ITPR1: variants seen among roughly 807,000 people sequenced by gnomAD.
ITPR1 encodes inositol 1,4,5-trisphosphate-gated calcium channel ITPR1.
Under a neutral mutation model 318.4 loss-of-function variants are expected in ITPR1, and 96 were observed. That is an observed-to-expected ratio of 0.30 (90% CI 0.26 to 0.36). The LOEUF (loss-of-function observed/expected upper bound fraction) is 0.36. Among genes scored for constraint, ITPR1 ranks in the 10% least tolerant of loss-of-function variants. The pLI, the probability that ITPR1 is intolerant of heterozygous loss-of-function variation, is 1.00. For synonymous variants in ITPR1, 1,312 were observed against 1,289.9 expected (o/e 1.02, Z -0.37); for missense variants, 2,440 against 3,460.2 (o/e 0.71, Z 7.40).
chr3:4,518,733 C>G (rs781417256), intron 3 of ITPR1, among the ~76,000 whole-genome samples: 1 of 152,148 alleles, frequency 6.6e-6, no homozygotes, highest in South Asian at 2.1e-4. Context: ...TGTGTGCACA[C>G]TACTCAGTGG....
rs1405654600 is a variant in ITPR1 at position 4,727,266 on chromosome 3, G to T, written c.5220+93G>T. On this transcript the variant is annotated intron_variant, in intron 42 of 61. Transcript: ENST00000649015. ...ACACTGTGATTGAGAGACAGCTTTT[G>T]TTGTTGATATTGTTAAAGCATTAAT... is the stretch of plus-strand genomic sequence containing the variant. 1.5e-5 allele frequency: 13 copies of T among 888,954 alleles called. No individual in the cohort carries two copies. In the East Asian group the frequency reaches 3.3e-4, roughly 22 times the overall value. The allele number at this position is 888,954 out of a possible 1,614,324, so 55.1% of individuals were successfully genotyped here.
At chr3:4,755,685 G>C (rs1340314503) in intron 44 of ITPR1, among the ~76,000 whole-genome samples, 8 of 152,218 alleles carry the variant, frequency 5.3e-5, no homozygotes, top group South Asian at 2.1e-4. Flanking sequence ...AGATTAATAA[G>C]AGTGAAGGAA....
At chr3:4,747,504 G>A (rs1000722547) in intron 44 of ITPR1, among the ~76,000 whole-genome samples, 3 of 152,204 alleles carry the variant, frequency 2.0e-5, no homozygotes, top group African/African-American at 4.8e-5. Flanking sequence ...TGGAAGTTGT[G>A]CCTCCACATT....
At chr3:4,809,634 A>T (rs1329797960) in intron 55 of ITPR1, among the ~76,000 whole-genome samples, 1 of 152,148 alleles carries the variant, frequency 6.6e-6, no homozygotes, top group Non-Finnish European at 1.5e-5. Flanking sequence ...TCCATTGAAC[A>T]TGTATAATTT....
chr3:4,523,658 G>A (rs1194840347), intron 4 of ITPR1, among the ~76,000 whole-genome samples: 1 of 152,080 alleles, frequency 6.6e-6, no homozygotes, highest in Non-Finnish European at 1.5e-5. Context: ...CCACATATAA[G>A]CAAGATCATG....
intron 17 of ITPR1, among the ~76,000 whole-genome samples, chr3:4,667,140 A>G (rs2093967026): frequency 6.6e-6 from 1 of 152,194 alleles, no homozygotes; most frequent in African/African-American, 2.4e-5. Context: ...TCCACGTGTA[A>G]ATACAGGCTA....
chr3:4,525,458 G>A (rs1391397374), intron 4 of ITPR1, among the ~76,000 whole-genome samples: 2 of 152,024 alleles, frequency 1.3e-5, no homozygotes, highest in African/African-American at 2.4e-5. Flanking sequence ...TTTTTTGTGT[G>A]TGTGTGTGAT....
At chr3:4,611,995 C>T (rs958570754) in intron 4 of ITPR1, among the ~76,000 whole-genome samples, 8 of 151,908 alleles carry the variant, frequency 5.3e-5, no homozygotes, top group African/African-American at 1.7e-4. Context: ...AAACCACCTC[C>T]CCCAAATAGT....
At chr3:4,732,064 A>G (rs1230580116) in intron 42 of ITPR1, among the ~76,000 whole-genome samples, 1 of 152,150 alleles carries the variant, frequency 6.6e-6, no homozygotes, top group Admixed American at 6.5e-5. Flanking sequence ...GAAAATTTAT[A>G]CAGCCTTTGA....
intron 51 of ITPR1, among the ~76,000 whole-genome samples, chr3:4,784,183 G>T (rs1213863380): frequency 6.6e-6 from 1 of 152,156 alleles, no homozygotes; most frequent in Non-Finnish European, 1.5e-5. Context: ...TCATAAGAAA[G>T]TCCAGCAGAG....
At chr3:4,794,303 A>C (rs2047754277) in intron 52 of ITPR1, among the ~76,000 whole-genome samples, 1 of 152,184 alleles carries the variant, frequency 6.6e-6, no homozygotes. Flanking sequence ...CGGTGGATTA[A>C]GGTGGCAGCA....
At chr3:4,641,157 G>A (rs1013215402) in intron 6 of ITPR1, among the ~76,000 whole-genome samples, 1 of 152,150 alleles carries the variant, frequency 6.6e-6, no homozygotes, top group Non-Finnish European at 1.5e-5. Flanking sequence ...GCAGTCTTTC[G>A]TATTCCCTTC....
Position 4,676,545 on chromosome 3 carries a change from C to T in ITPR1, c.2780-69C>T. On this transcript the variant is annotated intron_variant, in intron 23 of 61. Transcript: ENST00000649015. ...AATAATTTCTCTCAAAGAGCCCCTG[C>T]CCCTTGACATATGCCTCTGAGCATT... is the stretch of plus-strand genomic sequence containing the variant. The T allele has an allele frequency of 2.6e-6, 3 of 1,161,998 alleles. No individual in the cohort carries two copies. The East Asian group carries it at 7.2e-5, about 28-fold the overall frequency. The allele number at this position is 1,161,998 out of a possible 1,614,324, so 72.0% of individuals were successfully genotyped here. A position where few individuals can be genotyped will look rare whatever the true frequency, so the allele number is the denominator to read the frequency against.
chr3:4,838,899 C>G (rs765402954), intron 61 of ITPR1, among the ~76,000 whole-genome samples: 1 of 152,224 alleles, frequency 6.6e-6, no homozygotes, highest in Non-Finnish European at 1.5e-5. Context: ...CCTACACTAT[C>G]TGTCCTTTCA....
At chr3:4,530,025 G>C (rs2083286370) in intron 4 of ITPR1, among the ~76,000 whole-genome samples, 1 of 152,146 alleles carries the variant, frequency 6.6e-6, no homozygotes, top group Non-Finnish European at 1.5e-5. Context: ...ACTGCCTTTA[G>C]AAGTGGACTG....
chr3:4,698,962 G>A (rs4685804), intron 34 of ITPR1, among the ~76,000 whole-genome samples: 75,503 of 152,036 alleles, frequency 0.5, 19,517 homozygotes, highest in Non-Finnish European at 0.56. Context: ...ACCCCAAAAC[G>A]TGTATAGTCA....
At chr3:4,825,596 C>T in intron 60 of ITPR1, 1 of 386,056 alleles carries the variant, frequency 2.6e-6, no homozygotes, top group Non-Finnish European at 5.1e-6. Context: ...AGTAGGACAT[C>T]TGGCCCTTGT....
Position 4,806,116 on chromosome 3 carries a change from T to C in ITPR1, c.7121T>C (p.Ile2374Thr). The C allele has an allele frequency of 3.1e-6, 5 of 1,613,742 alleles. No individual in the cohort carries two copies. In the South Asian group the frequency reaches 5.5e-5, roughly 18 times the overall value. The change falls in exon 55 of 62, where the codon ATC becomes ACC. Residue 2374 changes from isoleucine (I) to threonine (T), a missense_variant. Physicochemically the swap from Ile to Thr is moderately conservative, Grantham distance 89 (BLOSUM62 -1). Transcript: ENST00000649015. ...CATTGTTCTCAGGTATGCAATAAAA[T>C]CATCTTTCTAATGAGCTTTGTGGGC... Reference protein sequence around the residue: ...LLGAFNVCNKIIFLMSFVGNC... With the variant: ...LLGAFNVCNKTIFLMSFVGNC...
intron 5 of ITPR1, among the ~76,000 whole-genome samples, chr3:4,630,752 A>AT (rs2092992054): frequency 6.6e-6 from 1 of 151,614 alleles, no homozygotes; most frequent in Admixed American, 6.6e-5. Flanking sequence ...CGCCCTACTA[A>AT]TTTTTTTGTA....
Sources: allele counts gnomAD v4.1 joint callset (sites outside exome capture counted in the v4.1 genomes callset), GRCh38; gene constraint gnomAD v4.1.1; transcripts MANE v1.5; gene names NCBI Gene and HGNC (gene_info 2026-07-23, HGNC 2026-07-21).